The following ANKRD12 variants were observed in gnomAD, a reference collection of about 807,000 sequenced individuals.
The protein encoded by ANKRD12 is ankyrin repeat domain-containing protein 12.
In ANKRD12, 85 loss-of-function variants were observed where a neutral mutation model predicts 183.4. The ratio of observed to expected loss-of-function variants is 0.46; its 90% CI spans 0.39 to 0.56. The LOEUF is 0.56. Among genes scored for constraint, ANKRD12 ranks in the 20% least tolerant of loss-of-function variants. The pLI is 0.00. For missense variants in ANKRD12, 2,405 were observed against 2,357.1 expected, an observed-to-expected ratio of 1.02 and a Z score of -0.42; for synonymous variants, 914 against 800.2, an observed-to-expected ratio of 1.14 and a Z score of -2.40.
intron 5 of ANKRD12, among the ~76,000 whole-genome samples, chr18:9,210,903 T>G (rs1022827936): frequency 6.6e-6 from 1 of 152,036 alleles, no homozygotes; most frequent in African/African-American, 2.4e-5. Flanking sequence ...CAGAATTAAT[T>G]AACACTGTAT....
At chr18:9,205,258 T>TG (rs2035415403) in intron 4 of ANKRD12, among the ~76,000 whole-genome samples, 1 of 3,468 alleles carries the variant, frequency 2.9e-4, no homozygotes, top group East Asian at 0.033. Flanking sequence ...ATTAGTTAAA[T>TG]GTTTTTGATT....
chr18:9,253,152 A>G (rs2038400569), intron 8 of ANKRD12, among the ~76,000 whole-genome samples: 1 of 152,202 alleles, frequency 6.6e-6, no homozygotes, highest in African/African-American at 2.4e-5. Context: ...TACAATGTGT[A>G]AAAAACCAAG....
chr18:9,159,801 GA>G (rs1010833742), intron 1 of ANKRD12, among the ~76,000 whole-genome samples: 30 of 145,814 alleles, frequency 2.1e-4, no homozygotes, highest in Admixed American at 1.6e-3. Context: ...AGTAGTTTCA[GA>G]TTTTTTTTTT....
intron 1 of ANKRD12, among the ~76,000 whole-genome samples, chr18:9,144,195 T>C (rs1224931640): frequency 1.3e-5 from 2 of 152,220 alleles, no homozygotes; most frequent in Non-Finnish European, 2.9e-5. Flanking sequence ...AATAATATTT[T>C]AACATTTTTG....
intron 10 of ANKRD12, among the ~76,000 whole-genome samples, chr18:9,270,108 A>G (rs1193272576): frequency 6.6e-6 from 1 of 152,182 alleles, no homozygotes; most frequent in Non-Finnish European, 1.5e-5. Context: ...AAAAGTCAGG[A>G]AACAACAGGT....
At chr18:9,280,803 GAA>G in intron 12 of ANKRD12, 136 bp from the exon 13 acceptor site, 1 of 787,342 alleles carries the variant, frequency 1.3e-6, no homozygotes, top group East Asian at 2.8e-5. Context: ...AAAAAAGAAA[GAA>G]ATGGACTTGT....
At chr18:9,148,142 A>G (rs2143501344) in intron 1 of ANKRD12, among the ~76,000 whole-genome samples, 1 of 152,244 alleles carries the variant, frequency 6.6e-6, no homozygotes, top group Middle Eastern at 3.4e-3. Flanking sequence ...GCAGCCCTCT[A>G]CTGGTTTATG....
intron 5 of ANKRD12, among the ~76,000 whole-genome samples, chr18:9,211,380 T>C (rs892551940): frequency 1.6e-4 from 24 of 152,146 alleles, no homozygotes; most frequent in Non-Finnish European, 2.5e-4. Flanking sequence ...TTTTTTTAAT[T>C]GGCTAATGAT....
At chr18:9,278,344 C>G (rs1746527613) in intron 11 of ANKRD12, among the ~76,000 whole-genome samples, 1 of 152,180 alleles carries the variant, frequency 6.6e-6, no homozygotes, top group African/African-American at 2.4e-5. Context: ...AGTCTACTCT[C>G]TTATCACTTC....
intron 8 of ANKRD12, among the ~76,000 whole-genome samples, chr18:9,231,092 T>TA (rs1304398056): frequency 6.6e-6 from 1 of 152,188 alleles, no homozygotes; most frequent in African/African-American, 2.4e-5. Context: ...TTCCTTTTGG[T>TA]ATTGATTTCT....
chr18:9,260,171 C>T (rs543031826), intron 9 of ANKRD12: 89 of 152,202 alleles, frequency 5.8e-4, no homozygotes, highest in African/African-American at 1.9e-3. Flanking sequence ...CCATTTGTTT[C>T]CTCCCAGCCA....
chr18:9,264,931 G>A (rs1324555679), intron 10 of ANKRD12, among the ~76,000 whole-genome samples: 4 of 152,194 alleles, frequency 2.6e-5, no homozygotes, highest in Admixed American at 2.6e-4. Flanking sequence ...CAGAAGACGG[G>A]TGATTTCTGC....
At chr18:9,157,552 TGTG>T (rs1280937129) in intron 1 of ANKRD12, among the ~76,000 whole-genome samples, 1 of 82,200 alleles carries the variant, frequency 1.2e-5, no homozygotes, top group Non-Finnish European at 2.2e-5. Context: ...TGTGTGTGGG[TGTG>T]TGTGTGTGTG....
In ANKRD12 at chr18:9,258,653, G is replaced by C; in HGVS notation, c.5386G>C (p.Val1796Leu). The change falls in exon 9 of 13, where the codon GTG (valine) becomes CTG (leucine). Residue 1796 changes from valine to leucine, a missense_variant. Physicochemically the swap from Val to Leu is conservative, Grantham distance 32 (BLOSUM62 1). Transcript: ENST00000262126. ...KRKVSRVPQP[V>L]QVSPSLLQAK... ...GAAAGTGTCACGTGTACCTCAGCCTGTGCAAGTGAGTCCCTCTTTACTACA... is the reference window on the plus strand; with the variant it reads ...GAAAGTGTCACGTGTACCTCAGCCTCTGCAAGTGAGTCCCTCTTTACTACA... 1 of 1,613,894 alleles carries C rather than the reference G, an allele frequency of 6.2e-7. No individual in the cohort carries two copies. Among genetic ancestry groups the C allele is most frequent in the Non-Finnish European group, 8.5e-7 (1 of 1,179,902 alleles).
chr18:9,141,699 A>G (rs1161847657), intron 1 of ANKRD12, among the ~76,000 whole-genome samples: 2 of 152,170 alleles, frequency 1.3e-5, no homozygotes, highest in Non-Finnish European at 2.9e-5. Flanking sequence ...ATTCCTTAAC[A>G]TCTGTTTATT....
intron 4 of ANKRD12, among the ~76,000 whole-genome samples, chr18:9,206,433 T>G (rs2035487913): frequency 6.6e-6 from 1 of 152,060 alleles, no homozygotes; most frequent in African/African-American, 2.4e-5. Context: ...AAACAAATTC[T>G]TTACAGGACA....
chr18:9,226,443 T>A (rs984901632), intron 8 of ANKRD12, among the ~76,000 whole-genome samples: 4 of 137,812 alleles, frequency 2.9e-5, no homozygotes, highest in Non-Finnish European at 6.4e-5. Flanking sequence ...GAAAAAAAAA[T>A]TTCCCATCAC....
chr18:9,262,726 C>T (rs2039043787), intron 9 of ANKRD12, among the ~76,000 whole-genome samples: 2 of 148,386 alleles, frequency 1.3e-5, no homozygotes, highest in South Asian at 4.4e-4. Context: ...AGCAATCCTA[C>T]TTCAGCCTCC....
intron 8 of ANKRD12, among the ~76,000 whole-genome samples, chr18:9,245,027 A>C (rs1269777173): frequency 6.6e-6 from 1 of 152,200 alleles, no homozygotes. Context: ...GTTATTTTAA[A>C]ATAAAATATC....
Sources: gnomAD v4.1 joint callset for allele counts (sites outside exome capture counted in the v4.1 genomes callset) on GRCh38, gnomAD v4.1.1 for gene constraint, MANE v1.5 for transcripts, NCBI Gene and HGNC (gene_info 2026-07-23, HGNC 2026-07-21) for gene names.